The following DCTN3 variants were observed in gnomAD, a reference collection of about 807,000 sequenced individuals.
DCTN3 encodes the protein dynactin 3 (p22).
A neutral mutation model predicts 28.4 loss-of-function variants in DCTN3; 25 were observed. The ratio of observed to expected loss-of-function variants is 0.88; its 90% CI spans 0.64 to 1.23. The LOEUF (loss-of-function observed/expected upper bound fraction) is 1.23. Among genes scored for constraint, DCTN3 ranks in the 50% most tolerant of loss-of-function variants. DCTN3 has a pLI of 0.00. For missense variants in DCTN3, 229 were observed against 232.0 expected, an observed-to-expected ratio of 0.99 and a Z score of 0.08; for synonymous variants, 81 against 91.4, an observed-to-expected ratio of 0.89 and a Z score of 0.65.
chr9:34,614,421 C>T, intron 5 of DCTN3: 1 of 619,588 alleles, frequency 1.6e-6, no homozygotes, highest in East Asian at 2.8e-5. Context: ...GAAAAAAGAG[C>T]CCCTCTACCC....
chr9:34,616,270 C>T lies in DCTN3; in HGVS notation c.269-157G>A. On this transcript the variant is annotated intron_variant, in intron 3 of 6. Coordinates refer to ENST00000259632, the MANE Select transcript of DCTN3 (RefSeq NM_007234.5). This position sits in a 1 kb window ranked among gnomAD's most constrained non-coding sequence, Gnocchi z 4.7. ...TGCCCCCTTCTCTAGGTGCACATTT[C>T]CATCCTGCCCCCAACTCTCCTGGAT... 2 of 590,620 alleles carry T rather than the reference C, an allele frequency of 3.4e-6. No individual in the cohort carries two copies. The highest frequency in any genetic ancestry group is 4.0e-5 in the South Asian group (2 of 50,618). The allele number at this position is 590,620 out of a possible 1,614,324, so 36.6% of individuals were successfully genotyped here.
intron 1 of DCTN3, 22 bp from the exon 2 acceptor site, chr9:34,618,782 A>G: frequency 1.3e-6 from 2 of 1,584,612 alleles, no homozygotes; most frequent in Non-Finnish European, 1.7e-6. Context: ...GTGGTGGTTA[A>G]TTCCAAGATA....
At position 34,614,039 on chromosome 9, in the gene DCTN3, T is replaced by C; in HGVS notation, c.471+3A>G. ...TAGGGTCCTAGTTGAGCAGAAAGGA[T>C]ACAGTCTTGTTGTATTCCTCCAGGA... On this transcript the variant is annotated splice_donor_region_variant and intron_variant, in intron 6 of 6. Coordinates refer to ENST00000259632, the MANE Select transcript of DCTN3 (RefSeq NM_007234.5). 1 of 1,609,412 alleles carries C rather than the reference T, an allele frequency of 6.2e-7. No homozygotes were observed. The highest frequency in any genetic ancestry group is 8.5e-7 in the Non-Finnish European group (1 of 1,176,578).
Position 34,620,452 on chromosome 9 carries a change from T to C in DCTN3, c.13A>G (p.Thr5Ala), listed in dbSNP as rs759374476. Reference sequence around the variant, plus strand: ...CGGGCCTGTAGCCGCTGCAAGTCAGTCAGACCCGCCATCGCTACTACCGAC... The same window carrying C: ...CGGGCCTGTAGCCGCTGCAAGTCAGCCAGACCCGCCATCGCTACTACCGAC... MAGL[T>A]DLQRLQARVE... The change falls in exon 1 of 7, where the codon ACT becomes GCT. Residue 5 changes from threonine to alanine, a missense_variant. Transcript: ENST00000259632. The C allele has an allele frequency of 9.0e-6, 14 of 1,551,994 alleles. No homozygotes were observed. In the South Asian group the frequency reaches 9.5e-5, roughly 10 times the overall value.
At chr9:34,614,300 T>C in intron 5 of DCTN3, 199 bp from the exon 6 acceptor site, 1 of 1,259,792 alleles carries the variant, frequency 7.9e-7, no homozygotes, top group Non-Finnish European at 1.1e-6. Flanking sequence ...CAAAGACGGA[T>C]GGAAAAGGGA....
intron 5 of DCTN3, 97 bp from the exon 6 acceptor site, chr9:34,614,198 C>G (rs1365053924): frequency 4.4e-6 from 7 of 1,605,962 alleles, no homozygotes; most frequent in Non-Finnish European, 5.1e-6. Context: ...CCCCATGGAG[C>G]CTAAAAAAGA....
chr9:34,616,163 G>A lies in DCTN3; in HGVS notation c.269-50C>T, dbSNP rs746110493. 3 of 1,472,738 alleles carry A rather than the reference G, an allele frequency of 2.0e-6. No homozygotes were observed. The East Asian group carries it at 6.9e-5, about 34-fold the overall frequency. 91.2% of individuals were successfully genotyped at this position (1,472,738 alleles called of 1,614,324 possible). On this transcript the variant is annotated intron_variant, in intron 3 of 6. Transcript: ENST00000259632. The surrounding 1 kb of genome is among the most constrained non-coding windows in gnomAD (Gnocchi z 4.7). ...TTGCAGTGAAGCAAACCTGGGCATT[G>A]CTAATCAGCCCATGTAAGGGCCTGA... is the stretch of plus-strand genomic sequence containing the variant.
intron 4 of DCTN3, 193 bp from the exon 5 acceptor site, chr9:34,614,961 G>A (rs535949666): frequency 1.6e-6 from 1 of 628,208 alleles, no homozygotes; most frequent in Non-Finnish European, 2.7e-6. Context: ...AGGACCCATA[G>A]GGGAGGGGAA....
rs1297668252 is a variant in DCTN3 at position 34,614,034 on chromosome 9, A to G, written c.471+8T>C. 4.4e-6 allele frequency: 7 copies of G among 1,607,166 alleles called. No individual in the cohort carries two copies. Among genetic ancestry groups the G allele is most frequent in the African/African-American group, 1.3e-5 (1 of 74,750 alleles). On this transcript the variant is annotated splice_region_variant and intron_variant, in intron 6 of 6. Coordinates refer to ENST00000259632, the MANE Select transcript of DCTN3 (RefSeq NM_007234.5). ...CCCATTAGGGTCCTAGTTGAGCAGAAAGGATACAGTCTTGTTGTATTCCTC... is the reference window on the plus strand; with the variant it reads ...CCCATTAGGGTCCTAGTTGAGCAGAGAGGATACAGTCTTGTTGTATTCCTC...
At chr9:34,615,018 G>C in intron 4 of DCTN3, 1 of 524,012 alleles carries the variant, frequency 1.9e-6, no homozygotes, top group Non-Finnish European at 3.4e-6. Flanking sequence ...TCCCAGTGTT[G>C]CTCCCTACCC....
intron 5 of DCTN3, chr9:34,614,443 C>T (rs543642739): frequency 3.2e-6 from 2 of 615,922 alleles, no homozygotes; most frequent in South Asian, 2.1e-5. Context: ...CAGTCAATGA[C>T]ATACCATCCC....
In DCTN3 at chr9:34,616,001, G is replaced by T; in HGVS notation, c.352+29C>A. On this transcript the variant is annotated intron_variant, in intron 4 of 6. Transcript: ENST00000259632. The surrounding 1 kb of genome is among the most constrained non-coding windows in gnomAD (Gnocchi z 4.7). ...CCATCCACCTACCTCCCCAACCAGAGTAGTGAAGCTATAACCCCAGAGAGA... is the reference window on the plus strand; with the variant it reads ...CCATCCACCTACCTCCCCAACCAGATTAGTGAAGCTATAACCCCAGAGAGA... 1 of 1,595,594 alleles carries T rather than the reference G, an allele frequency of 6.3e-7. No individual in the cohort carries two copies. The highest frequency in any genetic ancestry group is 8.6e-7 in the Non-Finnish European group (1 of 1,164,226).
intron 4 of DCTN3, chr9:34,615,427 C>T (rs913981197): frequency 6.6e-6 from 1 of 152,268 alleles, no homozygotes; most frequent in Non-Finnish European, 1.5e-5. Flanking sequence ...ATAGTAAAAT[C>T]TGGGTTCTGC....
At chr9:34,619,026 C>A (rs1347656545) in intron 1 of DCTN3, among the ~76,000 whole-genome samples, 1 of 152,172 alleles carries the variant, frequency 6.6e-6, no homozygotes, top group South Asian at 2.1e-4. Context: ...AGAGTATACA[C>A]AATATATTTT....
chr9:34,614,965 A>G, intron 4 of DCTN3, 197 bp from the exon 5 acceptor site: 3 of 616,886 alleles, frequency 4.9e-6, no homozygotes, highest in Non-Finnish European at 8.4e-6. Context: ...CCCATAGGGG[A>G]GGGGAAGATA....
intron 1 of DCTN3, among the ~76,000 whole-genome samples, chr9:34,619,441 A>G (rs890540934): frequency 3.3e-5 from 5 of 152,206 alleles, no homozygotes; most frequent in Non-Finnish European, 7.3e-5. Flanking sequence ...CCTAAAGTTT[A>G]GGGGTAGAAT....
intron 1 of DCTN3, among the ~76,000 whole-genome samples, chr9:34,619,509 A>G (rs543431664): frequency 1.7e-4 from 26 of 152,308 alleles, no homozygotes; most frequent in African/African-American, 4.6e-4. Flanking sequence ...AAGTGACTGC[A>G]CTCACCCAGT....
At chr9:34,613,954 G>T (rs1225634123) in intron 6 of DCTN3, 83 bp from the exon 7 acceptor site, 4 of 1,611,788 alleles carry the variant, frequency 2.5e-6, no homozygotes, top group African/African-American at 2.7e-5. Flanking sequence ...AGGTGGGTAG[G>T]ATAGGATGAG....
intron 4 of DCTN3, 164 bp from the exon 5 acceptor site, chr9:34,614,932 C>G: frequency 1.3e-6 from 1 of 752,088 alleles, no homozygotes; most frequent in South Asian, 1.7e-5. Context: ...GGGCTCCCTG[C>G]CCACTCCAGT....
Sources: allele counts gnomAD v4.1 joint callset (sites outside exome capture counted in the v4.1 genomes callset), GRCh38; gene constraint gnomAD v4.1.1; non-coding constraint Gnocchi (gnomAD v3.1); transcripts MANE v1.5; gene names NCBI Gene and HGNC (gene_info 2026-07-23, HGNC 2026-07-21).